The following MTUS2 variants were observed in gnomAD, a reference collection of about 807,000 sequenced individuals.
MTUS2 encodes microtubule associated scaffold protein 2.
Under a neutral mutation model 114.1 loss-of-function variants are expected in MTUS2, and 40 were observed. That is an observed-to-expected ratio of 0.35 (90% CI 0.27 to 0.46). The LOEUF is 0.46. Ranked by LOEUF, MTUS2 falls within the 20% of genes least tolerant of loss-of-function variation. The pLI, the probability that MTUS2 is intolerant of heterozygous loss-of-function variation, is 1.00. For synonymous variants in MTUS2, 688 were observed against 672.0 expected (o/e 1.02, Z -0.37); for missense variants, 1,679 against 1,705.4 (o/e 0.98, Z 0.27).
chr13:29,324,598 T>C lies in MTUS2; in HGVS notation c.2807-15T>C, dbSNP rs1385957608. 2 of 1,553,150 alleles carry C rather than the reference T, an allele frequency of 1.3e-6. No individual in the cohort carries two copies. The highest frequency in any genetic ancestry group is 1.7e-6 in the Non-Finnish European group (2 of 1,143,226). On this transcript the variant is annotated splice_polypyrimidine_tract_variant and intron_variant, in intron 6 of 15. Coordinates refer to ENST00000612955, the MANE Select transcript of MTUS2 (RefSeq NM_001033602.4). ...GCTTACTTTCTACCTATTTCTCTTT[T>C]CCAACTATACACAGGAACAAAGAAA...
At chr13:29,300,893 A>G (rs1206891526) in intron 6 of MTUS2, among the ~76,000 whole-genome samples, 1 of 152,228 alleles carries the variant, frequency 6.6e-6, no homozygotes, top group South Asian at 2.1e-4. Flanking sequence ...TAAACAACGA[A>G]CATTTATTTT....
intron 5 of MTUS2, among the ~76,000 whole-genome samples, chr13:29,264,553 C>T (rs1423475266): frequency 7.2e-5 from 11 of 152,286 alleles, no homozygotes; most frequent in African/African-American, 2.7e-4. Context: ...AGGCTCCCGC[C>T]TGGATATCCA....
chr13:29,138,741 T>G (rs1268031966), intron 5 of MTUS2, among the ~76,000 whole-genome samples: 2 of 150,394 alleles, frequency 1.3e-5, no homozygotes, highest in Admixed American at 1.3e-4. Context: ...TTCTTAAAGC[T>G]TTTTTTTTAA....
At chr13:29,129,066 G>A (rs1319550550) in intron 5 of MTUS2, among the ~76,000 whole-genome samples, 1 of 152,090 alleles carries the variant, frequency 6.6e-6, no homozygotes, top group Non-Finnish European at 1.5e-5. Context: ...CTCTAAATGT[G>A]GTGGCAAGTG....
At chr13:29,153,692 T>C (rs547109924) in intron 5 of MTUS2, among the ~76,000 whole-genome samples, 11 of 152,314 alleles carry the variant, frequency 7.2e-5, no homozygotes, top group Admixed American at 1.3e-4. Context: ...TGACCCTCAG[T>C]ATCCCCAGAC....
chr13:29,330,975 A>T (rs1405442219), intron 7 of MTUS2, among the ~76,000 whole-genome samples: 1 of 152,174 alleles, frequency 6.6e-6, no homozygotes, highest in African/African-American at 2.4e-5. Flanking sequence ...ATGTGAAGAA[A>T]GTCAATGGTA....
intron 6 of MTUS2, among the ~76,000 whole-genome samples, chr13:29,297,780 T>C (rs747758836): frequency 4.6e-5 from 7 of 152,202 alleles, no homozygotes; most frequent in Non-Finnish European, 1.0e-4. Context: ...TCCTATAATA[T>C]TGATTTCCTG....
intron 2 of MTUS2, among the ~76,000 whole-genome samples, chr13:29,008,886 C>G (rs1885715911): frequency 6.6e-6 from 1 of 151,410 alleles, no homozygotes. Flanking sequence ...TGAGAATTTT[C>G]TTCTTTTGTT....
At chr13:29,188,587 C>T (rs1221088231) in intron 5 of MTUS2, among the ~76,000 whole-genome samples, 1 of 152,186 alleles carries the variant, frequency 6.6e-6, no homozygotes. Context: ...CTCTATCCAA[C>T]ATCTATAATC....
At chr13:28,875,789 A>T (rs984188712) in intron 2 of MTUS2, among the ~76,000 whole-genome samples, 19 of 152,348 alleles carry the variant, frequency 1.2e-4, no homozygotes, top group African/African-American at 4.6e-4. Flanking sequence ...TATGGGTAAG[A>T]ATTATTCTTA....
intron 6 of MTUS2, among the ~76,000 whole-genome samples, 156 bp downstream of exon 6, chr13:29,282,021 T>C (rs372119084): frequency 2.6e-5 from 4 of 152,360 alleles, no homozygotes; most frequent in African/African-American, 9.6e-5. Flanking sequence ...TAAGGCACTT[T>C]CATATATTCA....
intron 4 of MTUS2, among the ~76,000 whole-genome samples, chr13:29,047,077 A>G (rs1434365825): frequency 6.6e-6 from 1 of 152,314 alleles, no homozygotes; most frequent in East Asian, 1.9e-4. Flanking sequence ...CGCAGAAGTA[A>G]AATTGCTTTG....
chr13:29,036,288 T>C (rs1285251769), intron 4 of MTUS2, among the ~76,000 whole-genome samples: 2 of 152,166 alleles, frequency 1.3e-5, no homozygotes, highest in Non-Finnish European at 2.9e-5. Flanking sequence ...GAGAGTCACC[T>C]AAGACTCAAA....
intron 2 of MTUS2, among the ~76,000 whole-genome samples, chr13:29,018,968 G>GT: frequency 6.6e-6 from 1 of 152,012 alleles, no homozygotes; most frequent in Non-Finnish European, 1.5e-5. Context: ...TGAGCCTTAG[G>GT]TTTTTTAAAG....
At chr13:29,491,836 GGTGT>G (rs1228159038) in intron 11 of MTUS2, among the ~76,000 whole-genome samples, 43 of 136,960 alleles carry the variant, frequency 3.1e-4, no homozygotes, top group African/African-American at 7.2e-4. Flanking sequence ...GTGTGTGGTA[GGTGT>G]GTGTGTGTGG....
At chr13:29,122,385 C>T (rs904958616) in intron 5 of MTUS2, among the ~76,000 whole-genome samples, 10 of 152,194 alleles carry the variant, frequency 6.6e-5, no homozygotes, top group East Asian at 3.9e-4. Context: ...ACAATTATAG[C>T]GGAAGGGGAA....
chr13:28,961,775 G>A (rs1222289202), intron 2 of MTUS2, among the ~76,000 whole-genome samples: 1 of 152,090 alleles, frequency 6.6e-6, no homozygotes, highest in Non-Finnish European at 1.5e-5. Context: ...TGGATCATGT[G>A]AGTTTTTCCA....
At chr13:29,179,895 T>C (rs769386510) in intron 5 of MTUS2, among the ~76,000 whole-genome samples, 1 of 152,192 alleles carries the variant, frequency 6.6e-6, no homozygotes, top group East Asian at 1.9e-4. Context: ...GGGTTATAAA[T>C]AAACTCTTTA....
chr13:29,041,851 C>A (rs1887377531), intron 4 of MTUS2, among the ~76,000 whole-genome samples: 1 of 152,124 alleles, frequency 6.6e-6, no homozygotes, highest in Admixed American at 6.6e-5. Flanking sequence ...TTTATCAGTT[C>A]TAAGAGCTTT....
Sources: allele counts gnomAD v4.1 joint callset (sites outside exome capture counted in the v4.1 genomes callset), GRCh38; gene constraint gnomAD v4.1.1; transcripts MANE v1.5; gene names NCBI Gene and HGNC (gene_info 2026-07-23, HGNC 2026-07-21).